The following FARSB variants were observed in gnomAD, a reference collection of about 807,000 sequenced individuals.
FARSB encodes phenylalanine--tRNA ligase beta subunit.
Under a neutral mutation model 69.6 loss-of-function variants are expected in FARSB, and 40 were observed. The observed-to-expected ratio is 0.57, with a 90% CI of 0.45 to 0.75. The LOEUF (loss-of-function observed/expected upper bound fraction) is 0.75. Among genes scored for constraint, FARSB ranks in the 30% least tolerant of loss-of-function variants. The probability of loss-of-function intolerance (pLI) is 0.00; values close to 1 mark genes in which losing one functional copy is unlikely to be tolerated. For missense variants in FARSB, 632 were observed against 722.9 expected, an observed-to-expected ratio of 0.87 and a Z score of 1.44; for synonymous variants, 235 against 247.2, an observed-to-expected ratio of 0.95 and a Z score of 0.46.
intron 16 of FARSB, among the ~76,000 whole-genome samples, chr2:222,583,623 C>T (rs1690028200): frequency 6.6e-6 from 1 of 152,140 alleles, no homozygotes; most frequent in African/African-American, 2.4e-5. Context: ...ACTAATGAGA[C>T]ATGATGGCTG....
chr2:222,640,769 A>G, intron 4 of FARSB, 93 bp downstream of exon 4: 2 of 686,350 alleles, frequency 2.9e-6, no homozygotes, highest in Non-Finnish European at 5.0e-6. Flanking sequence ...ACAAAAAAAA[A>G]AGAGTAAGCT....
Position 222,596,448 on chromosome 2 carries a change from G to A in FARSB, c.1618+3480C>T, listed in dbSNP as rs1027288578. Among the ~76,000 whole-genome samples, 12 of 152,212 alleles carry A rather than the reference G, an allele frequency of 7.9e-5. No homozygotes were observed. The East Asian group carries it at 2.1e-3, about 27-fold the overall frequency. Reference sequence around the variant, plus strand: ...ACAGGAAGAAATAGGTATAAGTGCCGACGTAACTGACATATGCAGGAATCT... The same window carrying A: ...ACAGGAAGAAATAGGTATAAGTGCCAACGTAACTGACATATGCAGGAATCT... On this transcript the variant is annotated intron_variant, in intron 16 of 16. Coordinates refer to ENST00000281828, the MANE Select transcript of FARSB (RefSeq NM_005687.5).
intron 15 of FARSB, among the ~76,000 whole-genome samples, chr2:222,604,722 ATTTT>A (rs56201038): frequency 2.5e-4 from 28 of 110,702 alleles, no homozygotes; most frequent in Non-Finnish European, 3.9e-4. Flanking sequence ...TGCCCACTGA[ATTTT>A]TTTTTTTTTT....
intron 16 of FARSB, among the ~76,000 whole-genome samples, chr2:222,598,669 G>T (rs1690484954): frequency 6.6e-6 from 1 of 152,184 alleles, no homozygotes; most frequent in Non-Finnish European, 1.5e-5. Flanking sequence ...ACTGGTGAAT[G>T]AGTATATACA....
At chr2:222,628,734 G>T (rs1160451192) in intron 10 of FARSB, 103 bp downstream of exon 10, 3 of 749,096 alleles carry the variant, frequency 4.0e-6, no homozygotes, top group Non-Finnish European at 7.0e-6. Flanking sequence ...TGGCACACGG[G>T]TGGGTAGGTA....
At chr2:222,651,338 A>G (rs1447113) in intron 1 of FARSB, among the ~76,000 whole-genome samples, 49,704 of 152,108 alleles carry the variant, frequency 0.33, 8,356 homozygotes, top group Middle Eastern at 0.46. Flanking sequence ...GCTAAAGGAA[A>G]GGCTGTTAAA....
At chr2:222,646,534 G>T (rs1262297148) in intron 2 of FARSB, among the ~76,000 whole-genome samples, 1 of 152,146 alleles carries the variant, frequency 6.6e-6, no homozygotes, top group Non-Finnish European at 1.5e-5. Flanking sequence ...AAGGTTTAGG[G>T]AATTTTAAAT....
At chr2:222,613,495 A>C (rs1228340555) in intron 15 of FARSB, among the ~76,000 whole-genome samples, 1 of 152,376 alleles carries the variant, frequency 6.6e-6, no homozygotes, top group Admixed American at 6.5e-5. Flanking sequence ...CAGTGAGCTG[A>C]TATCAGGCCA....
intron 10 of FARSB, among the ~76,000 whole-genome samples, chr2:222,625,530 G>C (rs913912442): frequency 6.6e-6 from 1 of 152,196 alleles, no homozygotes; most frequent in Admixed American, 6.5e-5. Context: ...CTGAGTGCTC[G>C]TGAGAAAGGC....
chr2:222,631,299 G>A (rs940710365), intron 8 of FARSB, among the ~76,000 whole-genome samples: 5 of 151,000 alleles, frequency 3.3e-5, no homozygotes, highest in Non-Finnish European at 7.4e-5. Context: ...ATTCCATTTT[G>A]TGTTTTATAG....
chr2:222,643,732 T>C (rs907034199), intron 2 of FARSB, among the ~76,000 whole-genome samples: 2 of 152,000 alleles, frequency 1.3e-5, no homozygotes, highest in Non-Finnish European at 2.9e-5. Context: ...AGCAAACTAG[T>C]GATAGCAAAG....
Position 222,652,528 on chromosome 2 carries a change from G to A in FARSB, c.58+3488C>T, listed in dbSNP as rs533179904. Reference sequence around the variant, plus strand: ...CACTCTCTTACTTACCTACTCTCTCGGACCTCTCCATCTGGGGCAAACAAG... The same window carrying A: ...CACTCTCTTACTTACCTACTCTCTCAGACCTCTCCATCTGGGGCAAACAAG... On this transcript the variant is annotated intron_variant, in intron 1 of 16. Coordinates refer to ENST00000281828, the MANE Select transcript of FARSB (RefSeq NM_005687.5). Among the ~76,000 whole-genome samples the A allele has an allele frequency of 9.2e-5, 14 of 152,258 alleles. No individual in the cohort carries two copies. The South Asian group carries it at 2.1e-3, about 23-fold the overall frequency.
chr2:222,619,075 G>T (rs1691071812), intron 14 of FARSB, among the ~76,000 whole-genome samples: 1 of 151,464 alleles, frequency 6.6e-6, no homozygotes, highest in South Asian at 2.1e-4. Flanking sequence ...CCGGGAGGCG[G>T]AGCTTGCAGT....
In FARSB at chr2:222,585,487, C is replaced by T. The variant is rs190051506; in HGVS notation, c.1619-13465G>A. Among the ~76,000 whole-genome samples the T allele has an allele frequency of 2.1e-3, 323 of 152,342 alleles. 1 individual carries two copies. The highest frequency in any genetic ancestry group is 6.8e-3 in the Middle Eastern group (2 of 294). On this transcript the variant is annotated intron_variant, in intron 16 of 16. Transcript: ENST00000281828. ...TCTCTTCCAAAGGAATGCAGCTCTT[C>T]GCCAGCAATGGAACAAGGCTGAACA... is the stretch of plus-strand genomic sequence containing the variant.
At chr2:222,583,864 A>C (rs915476876) in intron 16 of FARSB, among the ~76,000 whole-genome samples, 2 of 151,918 alleles carry the variant, frequency 1.3e-5, no homozygotes, top group African/African-American at 4.8e-5. Flanking sequence ...CCCTTTACTC[A>C]CTTTCCTGCC....
intron 16 of FARSB, among the ~76,000 whole-genome samples, chr2:222,590,605 A>G (rs1690244225): frequency 6.6e-6 from 1 of 150,710 alleles, no homozygotes; most frequent in Non-Finnish European, 1.5e-5. Context: ...ATACTTGGAT[A>G]CTTGTTGATA....
chr2:222,580,027 G>A (rs557218096), intron 16 of FARSB, among the ~76,000 whole-genome samples: 2 of 152,218 alleles, frequency 1.3e-5, no homozygotes, highest in African/African-American at 4.8e-5. Context: ...AACACTCAGT[G>A]TTAAATGGAC....
intron 10 of FARSB, among the ~76,000 whole-genome samples, chr2:222,628,563 G>A (rs1332769460): frequency 6.6e-6 from 1 of 152,192 alleles, no homozygotes; most frequent in Admixed American, 6.5e-5. Context: ...CTGTCAAACT[G>A]TCTGAATTTA....
intron 9 of FARSB, among the ~76,000 whole-genome samples, chr2:222,629,546 A>G (rs1691364695): frequency 6.6e-6 from 1 of 152,084 alleles, no homozygotes; most frequent in South Asian, 2.1e-4. Context: ...CTTAAATTTC[A>G]TTGCCTCCAT....
Sources: allele counts gnomAD v4.1 joint callset (sites outside exome capture counted in the v4.1 genomes callset), GRCh38; gene constraint gnomAD v4.1.1; transcripts MANE v1.5; gene names NCBI Gene and HGNC (gene_info 2026-07-23, HGNC 2026-07-21).